The following OR2M7 variants were observed in gnomAD, a reference collection of about 807,000 sequenced individuals.
OR2M7 encodes the protein olfactory receptor family 2 subfamily M member 7.
For missense variants in OR2M7, 390 were observed against 386.8 expected, an observed-to-expected ratio of 1.01 and a Z score of -0.07; for synonymous variants, 129 against 135.0, an observed-to-expected ratio of 0.96 and a Z score of 0.31.
In OR2M7 at chr1:248,323,874, T is replaced by G; in HGVS notation, c.695A>C (p.Glu232Ala). Reference sequence around the variant, plus strand: ...AGTAGTAAAAGCTTTGCGACGTCCCTCTCCAGATCCCATGTGAATGACAGC... The same window carrying G: ...AGTAGTAAAAGCTTTGCGACGTCCCGCTCCAGATCCCATGTGAATGACAGC... ...ILAVIHMGSG[E>A]GRRKAFTTCS... The change falls in exon 1 of 1, where the codon GAG (glutamate) becomes GCG (alanine). Residue 232 changes from glutamate to alanine, a missense_variant. By Grantham distance (107) the Glu-to-Ala change is moderately radical. Transcript: ENST00000317965. 1 of 1,612,700 alleles carries G rather than the reference T, an allele frequency of 6.2e-7. No individual in the cohort carries two copies. Among genetic ancestry groups the G allele is most frequent in the Non-Finnish European group, 8.5e-7 (1 of 1,179,794 alleles).
In OR2M7 at chr1:248,323,836, G is replaced by A. The variant is rs746415664; in HGVS notation, c.733C>T (p.Leu245Phe). 2 of 1,613,248 alleles carry A rather than the reference G, an allele frequency of 1.2e-6. No individual in the cohort carries two copies. Among genetic ancestry groups the A allele is most frequent in the East Asian group, 2.2e-5 (1 of 44,892 alleles). Reference sequence around the variant, plus strand: ...CCATAGTACATTCCCACCACCATGAGGTGAGAGGAACAAGTAGTAAAAGCT... The same window carrying A: ...CCATAGTACATTCCCACCACCATGAAGTGAGAGGAACAAGTAGTAAAAGCT... The part of the protein sequence containing the change: ...RKAFTTCSSH[L>F]MVVGMYYGAG... The change falls in exon 1 of 1, where the codon CTC (leucine) becomes TTC (phenylalanine). Residue 245 changes from leucine (L) to phenylalanine (F), a missense_variant. Transcript: ENST00000317965.
chr1:248,324,511 G>C lies in OR2M7; in HGVS notation c.58C>G (p.His20Asp). The change falls in exon 1 of 1, where the codon CAT becomes GAT. Residue 20 changes from histidine to aspartate, a missense_variant. Coordinates refer to ENST00000317965, the MANE Select transcript of OR2M7 (RefSeq NM_001004691.1). ...AAGAGGAAGGTGTGGGTGGGGCTAT[G>C]ATTGAAGATTCCCAGGAGGAGGAAG... ...SDFLLLGIFNHSPTHTFLFFL... is the reference protein window; with the variant it reads ...SDFLLLGIFNDSPTHTFLFFL... The C allele has an allele frequency of 6.2e-7, 1 of 1,612,316 alleles. No individual in the cohort carries two copies. The highest frequency in any genetic ancestry group is 8.5e-7 in the Non-Finnish European group (1 of 1,179,124).
In OR2M7 at chr1:248,324,008, G is replaced by C. The variant is rs1275920676; in HGVS notation, c.561C>G (p.Leu187=). 6.2e-7 allele frequency: 1 copy of C among 1,613,888 alleles called. No homozygotes were observed. Among genetic ancestry groups the C allele is most frequent in the Non-Finnish European group, 8.5e-7 (1 of 1,179,818 alleles). ...FCCDFPSLLI[L]SCNDTSIFEE... Reference sequence around the variant, plus strand: ...CAAATATTGATGTGTCATTGCATGAGAGGATTAGTAGGGAAGGGAAGTCAC... The same window carrying C: ...CAAATATTGATGTGTCATTGCATGACAGGATTAGTAGGGAAGGGAAGTCAC... The change falls in exon 1 of 1, where the codon CTC becomes CTG. Residue 187 remains leucine, a synonymous_variant. Transcript: ENST00000317965.
In OR2M7 at chr1:248,324,055, G is replaced by A. The variant is rs777807468; in HGVS notation, c.514C>T (p.Arg172Trp). The change falls in exon 1 of 1, where the codon CGG becomes TGG. Residue 172 changes from arginine (R) to tryptophan (W), a missense_variant. Arg to Trp is a moderately radical substitution (Grantham distance 101, BLOSUM62 -3). Coordinates refer to ENST00000317965, the MANE Select transcript of OR2M7 (RefSeq NM_001004691.1). ...TCACAGCAGAAGTGGGCTATTTCCC[G>A]AGACCCACAGTAGGAGAAGGAAAAT... ...ATFSFSYCGS[R>W]EIAHFCCDFP... The A allele has an allele frequency of 1.6e-5, 26 of 1,613,702 alleles. No individual in the cohort carries two copies. Among genetic ancestry groups the A allele is most frequent in the Admixed American group, 5.0e-5 (3 of 59,984 alleles).
Position 248,324,207 on chromosome 1 carries a change from TCATAAGA to T in OR2M7, c.355_361del (p.Ser119ThrfsTer10). On this transcript the variant is annotated frameshift_variant, in exon 1 of 1. Coordinates refer to ENST00000317965, the MANE Select transcript of OR2M7 (RefSeq NM_001004691.1). LOFTEE classifies it low-confidence loss of function (END_TRUNC). ...AGGGTGGCAAATGGCAGTGTAGCGG[TCATAAGA>T]CATAACAGCCAACAGAAAGCATTCG... The T allele has an allele frequency of 2.5e-6, 4 of 1,614,024 alleles. No homozygotes were observed. Among genetic ancestry groups the T allele is most frequent in the Non-Finnish European group, 3.4e-6 (4 of 1,179,946 alleles).
Position 248,323,856 on chromosome 1 carries a change from A to G in OR2M7, c.713T>C (p.Phe238Ser). 1 of 1,613,024 alleles carries G rather than the reference A, an allele frequency of 6.2e-7. No homozygotes were observed. Among genetic ancestry groups the G allele is most frequent in the South Asian group, 1.1e-5 (1 of 91,042 alleles). ...MGSGEGRRKAFTTCSSHLMVV... is the reference protein window; with the variant it reads ...MGSGEGRRKASTTCSSHLMVV... ...CATGAGGTGAGAGGAACAAGTAGTAAAAGCTTTGCGACGTCCCTCTCCAGA... is the reference window on the plus strand; with the variant it reads ...CATGAGGTGAGAGGAACAAGTAGTAGAAGCTTTGCGACGTCCCTCTCCAGA... Residue 238 changes from phenylalanine (F) to serine (S), a missense_variant, in exon 1 of 1, where the codon TTT (phenylalanine) becomes TCT (serine). Physicochemically the swap from Phe to Ser is radical, Grantham distance 155. Coordinates refer to ENST00000317965, the MANE Select transcript of OR2M7 (RefSeq NM_001004691.1).
rs753768821 is a variant in OR2M7, at chr1:248,324,016, G to T, written c.553C>A (p.Leu185Ile). ...GATGTGTCATTGCATGAGAGGATTA[G>T]TAGGGAAGGGAAGTCACAGCAGAAG... ...AHFCCDFPSL[L>I]ILSCNDTSIF... is the part of the protein sequence containing the mutation. Residue 185 changes from leucine (L) to isoleucine (I), a missense_variant, in exon 1 of 1, where the codon CTA (leucine) becomes ATA (isoleucine). Transcript: ENST00000317965. 1.9e-6 allele frequency: 3 copies of T among 1,613,884 alleles called. No homozygotes were observed. The highest frequency in any genetic ancestry group is 2.2e-5 in the East Asian group (1 of 44,872).
Position 248,323,635 on chromosome 1 carries a change from C to T in OR2M7, c.934G>A (p.Asp312Asn), listed in dbSNP as rs778526230. The T allele has an allele frequency of 1.2e-5, 19 of 1,570,254 alleles. No individual in the cohort carries two copies. The highest frequency in any genetic ancestry group is 1.6e-5 in the Non-Finnish European group (18 of 1,159,900). The change falls in exon 1 of 1, where the codon GAT becomes AAT. Residue 312 changes from aspartate to asparagine, a missense_variant. By Grantham distance (23) the Asp-to-Asn change is conservative (BLOSUM62 1). Transcript: ENST00000317965. Reference protein sequence around the residue: ...MKILGKGKSGD With the variant: ...MKILGKGKSGN ...CATGAAATTTATGAGGTAACTCAAT[C>T]TCCAGACTTGCCCTTTCCTAAGATT...
chr1:248,323,851 T>C lies in OR2M7; in HGVS notation c.718A>G (p.Thr240Ala), dbSNP rs760679911. 2 of 1,613,014 alleles carry C rather than the reference T, an allele frequency of 1.2e-6. No homozygotes were observed. The highest frequency in any genetic ancestry group is 1.7e-6 in the Non-Finnish European group (2 of 1,179,790). ...ACCACCATGAGGTGAGAGGAACAAG[T>C]AGTAAAAGCTTTGCGACGTCCCTCT... ...SGEGRRKAFT[T>A]CSSHLMVVGM... Residue 240 changes from threonine to alanine, a missense_variant, in exon 1 of 1, where the codon ACT becomes GCT. By Grantham distance (58) the Thr-to-Ala change is moderately conservative. Coordinates refer to ENST00000317965, the MANE Select transcript of OR2M7 (RefSeq NM_001004691.1).
Position 248,323,779 on chromosome 1 carries a change from A to G in OR2M7, c.790T>C (p.Ser264Pro). The G allele has an allele frequency of 6.2e-7, 1 of 1,613,774 alleles. No individual in the cohort carries two copies. Among genetic ancestry groups the G allele is most frequent in the Non-Finnish European group, 8.5e-7 (1 of 1,179,760 alleles). ...AGLFMCIQPT[S>P]HHSPMQDKMV... ...TTGTCCTGCATAGGAGAATGATGAG[A>G]TGTGGGCTGAATGCACATGAACAAA... The change falls in exon 1 of 1, where the codon TCT becomes CCT. Residue 264 changes from serine to proline, a missense_variant. Physicochemically the swap from Ser to Pro is moderately conservative, Grantham distance 74 (BLOSUM62 -1). Transcript: ENST00000317965.
rs1660128708 is a variant in OR2M7, at chr1:248,324,424, T to G, written c.145A>C (p.Ile49Leu). 9.3e-6 allele frequency: 15 copies of G among 1,613,870 alleles called. No individual in the cohort carries two copies. The highest frequency in any genetic ancestry group is 1.2e-5 in the Non-Finnish European group (14 of 1,179,952). The change falls in exon 1 of 1, where the codon ATC becomes CTC. Residue 49 changes from isoleucine to leucine, a missense_variant. By Grantham distance (5) the Ile-to-Leu change is conservative. Coordinates refer to ENST00000317965, the MANE Select transcript of OR2M7 (RefSeq NM_001004691.1). ...FMGNSIMVLL[I>L]YLDTQLHTPM... is the part of the protein sequence containing the mutation. The stretch of plus-strand genomic sequence containing the variant: ...GTGTGGAGCTGGGTATCCAGGTAGA[T>G]GAGGAGAACCATGATGGAGTTTCCC...
At position 248,323,796 on chromosome 1, in the gene OR2M7, A is replaced by G. The variant is rs1660112681; in HGVS notation, c.773T>C (p.Met258Thr). Residue 258 changes from methionine to threonine, a missense_variant, in exon 1 of 1, where the codon ATG becomes ACG. Met to Thr is a moderately conservative substitution (Grantham distance 81, BLOSUM62 -1). Coordinates refer to ENST00000317965, the MANE Select transcript of OR2M7 (RefSeq NM_001004691.1). ...ATGATGAGATGTGGGCTGAATGCACATGAACAAACCTGCTCCATAGTACAT... is the reference window on the plus strand; with the variant it reads ...ATGATGAGATGTGGGCTGAATGCACGTGAACAAACCTGCTCCATAGTACAT... ...VGMYYGAGLF[M>T]CIQPTSHHSP... 1.9e-6 allele frequency: 3 copies of G among 1,613,632 alleles called. No homozygotes were observed. The highest frequency in any genetic ancestry group is 2.5e-6 in the Non-Finnish European group (3 of 1,179,778).
Position 248,323,964 on chromosome 1 carries a change from C to G in OR2M7, c.605G>C (p.Cys202Ser). The G allele has an allele frequency of 6.2e-7, 1 of 1,613,820 alleles. No individual in the cohort carries two copies. The highest frequency in any genetic ancestry group is 8.5e-7 in the Non-Finnish European group (1 of 1,179,838). ...AGGGAAAACAAGCATTACTATACAG[C>G]AGATGAAAATAACCTCTTCAAATAT... ...TSIFEEVIFI[C>S]CIVMLVFPVA... Residue 202 changes from cysteine (C) to serine (S), a missense_variant, in exon 1 of 1, where the codon TGC becomes TCC. By Grantham distance (112) the Cys-to-Ser change is moderately radical. Coordinates refer to ENST00000317965, the MANE Select transcript of OR2M7 (RefSeq NM_001004691.1).
chr1:248,323,950 G>A lies in OR2M7; in HGVS notation c.619C>T (p.Leu207Phe), dbSNP rs763551917. Reference protein sequence around the residue: ...EVIFICCIVMLVFPVAIIITS... With the variant: ...EVIFICCIVMFVFPVAIIITS... ...ATGATGATTGCAACAGGGAAAACAA[G>A]CATTACTATACAGCAGATGAAAATA... The change falls in exon 1 of 1, where the codon CTT becomes TTT. Residue 207 changes from leucine to phenylalanine, a missense_variant. Transcript: ENST00000317965. The A allele has an allele frequency of 2.5e-6, 4 of 1,613,732 alleles. No individual in the cohort carries two copies. In the South Asian group the frequency reaches 3.3e-5, roughly 13 times the overall value.
At position 248,324,037 on chromosome 1, in the gene OR2M7, A is replaced by C. The variant is rs1190871802; in HGVS notation, c.532T>G (p.Cys178Gly). The part of the protein sequence containing the change: ...YCGSREIAHF[C>G]CDFPSLLILS... ...ATTAGTAGGGAAGGGAAGTCACAGC[A>C]GAAGTGGGCTATTTCCCGAGACCCA... Residue 178 changes from cysteine (C) to glycine (G), a missense_variant, in exon 1 of 1, where the codon TGC becomes GGC. Transcript: ENST00000317965. 1 of 1,613,882 alleles carries C rather than the reference A, an allele frequency of 6.2e-7. No individual in the cohort carries two copies. Among genetic ancestry groups the C allele is most frequent in the Non-Finnish European group, 8.5e-7 (1 of 1,179,838 alleles).
rs779198363 is a variant in OR2M7 at position 248,324,142 on chromosome 1, G to A, written c.427C>T (p.Leu143Phe). 12 of 1,613,802 alleles carry A rather than the reference G, an allele frequency of 7.4e-6. No individual in the cohort carries two copies. Among genetic ancestry groups the A allele is most frequent in the Middle Eastern group, 1.6e-4 (1 of 6,080 alleles). The part of the protein sequence containing the change: ...TNLMRPKICG[L>F]MTAFSWILGS... ...AGGATCCAGGAGAAGGCAGTCATAA[G>A]TCCACAAATTTTGGGTCTCATGAGA... The change falls in exon 1 of 1, where the codon CTT (leucine) becomes TTT (phenylalanine). Residue 143 changes from leucine to phenylalanine, a missense_variant. By Grantham distance (22) the Leu-to-Phe change is conservative (BLOSUM62 0). Coordinates refer to ENST00000317965, the MANE Select transcript of OR2M7 (RefSeq NM_001004691.1).
At position 248,324,227 on chromosome 1, in the gene OR2M7, C is replaced by A; in HGVS notation, c.342G>T (p.Leu114=). 4 of 1,614,062 alleles carry A rather than the reference C, an allele frequency of 2.5e-6. No individual in the cohort carries two copies. The highest frequency in any genetic ancestry group is 3.4e-6 in the Non-Finnish European group (4 of 1,179,976). The part of the protein sequence containing the change: ...YISLLGSECF[L]LAVMSYDRYT... ...AGCGGTCATAAGACATAACAGCCAACAGAAAGCATTCGGAGCCAAGCAATG... is the reference window on the plus strand; with the variant it reads ...AGCGGTCATAAGACATAACAGCCAAAAGAAAGCATTCGGAGCCAAGCAATG... The change falls in exon 1 of 1, where the codon CTG becomes CTT. Residue 114 remains leucine (L), a synonymous_variant. Coordinates refer to ENST00000317965, the MANE Select transcript of OR2M7 (RefSeq NM_001004691.1).
At position 248,323,773 on chromosome 1, in the gene OR2M7, G is replaced by A. The variant is rs1558285441; in HGVS notation, c.796C>T (p.His266Tyr). The A allele has an allele frequency of 3.1e-6, 5 of 1,613,626 alleles. No individual in the cohort carries two copies. Among genetic ancestry groups the A allele is most frequent in the Non-Finnish European group, 4.2e-6 (5 of 1,179,748 alleles). ...LFMCIQPTSHHSPMQDKMVSV... is the reference protein window; with the variant it reads ...LFMCIQPTSHYSPMQDKMVSV... ...ACCATCTTGTCCTGCATAGGAGAAT[G>A]ATGAGATGTGGGCTGAATGCACATG... The change falls in exon 1 of 1, where the codon CAT becomes TAT. Residue 266 changes from histidine (H) to tyrosine (Y), a missense_variant. Transcript: ENST00000317965.
Position 248,324,343 on chromosome 1 carries a change from T to A in OR2M7, c.226A>T (p.Thr76Ser), listed in dbSNP as rs1660127301. The change falls in exon 1 of 1, where the codon ACC (threonine) becomes TCC (serine). Residue 76 changes from threonine to serine, a missense_variant. Transcript: ENST00000317965. The stretch of plus-strand genomic sequence containing the variant: ...TTGAAGGCCATCTTGGGTACAGTGG[T>A]GCAGATGAGCATGAGGTCCATGAGG... ...LSLMDLMLIC[T>S]TVPKMAFNYL... 6.2e-7 allele frequency: 1 copy of A among 1,614,020 alleles called. No individual in the cohort carries two copies. Among genetic ancestry groups the A allele is most frequent in the East Asian group, 2.2e-5 (1 of 44,874 alleles).
Sources: gnomAD v4.1 joint callset for allele counts on GRCh38, gnomAD v4.1.1 for gene constraint, MANE v1.5 for transcripts, NCBI Gene and HGNC (gene_info 2026-07-23, HGNC 2026-07-21) for gene names.